Variants in STK32B observed in about 807,000 individuals in gnomAD.
STK32B encodes the protein serine/threonine-protein kinase 32B.
A neutral mutation model predicts 52.6 loss-of-function variants in STK32B; 43 were observed. The observed-to-expected ratio is 0.82, with a 90% CI of 0.64 to 1.05. STK32B has a LOEUF of 1.05. Ranked by LOEUF, STK32B falls within the 50% of genes least tolerant of loss-of-function variation. The probability of loss-of-function intolerance (pLI) is 0.00; values close to 1 mark genes in which losing one functional copy is unlikely to be tolerated. For synonymous variants in STK32B, 238 were observed against 204.3 expected, an observed-to-expected ratio of 1.17 and a Z score of -1.41; for missense variants, 621 against 534.6, an observed-to-expected ratio of 1.16 and a Z score of -1.59.
chr4:5,456,932 G>A lies in STK32B; in HGVS notation c.783+9G>A, dbSNP rs766107881. 4.0e-6 allele frequency: 6 copies of A among 1,515,828 alleles called. No homozygotes were observed. Among genetic ancestry groups the A allele is most frequent in the Middle Eastern group, 1.9e-4 (1 of 5,386 alleles). 93.9% of individuals were successfully genotyped at this position (1,515,828 alleles called of 1,614,324 possible). A position where few individuals can be genotyped will look rare whatever the true frequency, so the allele number is the denominator to read the frequency against. On this transcript the variant is annotated intron_variant, in intron 8 of 11. Transcript: ENST00000282908. ...TGGCCCTGCTGAGGAAGGTAAGGGG[G>A]CAGCTTCCAGCCTGCCCCGCCAGGG...
chr4:5,350,531 G>A (rs1162571765), intron 4 of STK32B, among the ~76,000 whole-genome samples: 2 of 151,962 alleles, frequency 1.3e-5, no homozygotes, highest in Non-Finnish European at 2.9e-5. Context: ...AATGTTACCA[G>A]TAGAGAATAC....
chr4:5,415,497 C>T (rs1229187298), intron 5 of STK32B, among the ~76,000 whole-genome samples: 2 of 152,158 alleles, frequency 1.3e-5, no homozygotes, highest in Admixed American at 6.5e-5. Flanking sequence ...ATACTCATCG[C>T]AGCCACAGGG....
upstream of STK32B, among the ~76,000 whole-genome samples, chr4:5,050,081 G>A (rs766878103): frequency 7.2e-5 from 11 of 152,130 alleles, no homozygotes; most frequent in Non-Finnish European, 1.6e-4. Context: ...TCCACATTCC[G>A]CCCTATGCTT....
chr4:5,164,257 C>T (rs559590656), intron 2 of STK32B, among the ~76,000 whole-genome samples: 92 of 152,208 alleles, frequency 6.0e-4, no homozygotes, highest in Non-Finnish European at 9.0e-4. Flanking sequence ...TGCCATCACC[C>T]AGCTTCTGGT....
At chr4:5,372,501 T>C (rs1206383324) in intron 4 of STK32B, among the ~76,000 whole-genome samples, 1 of 152,178 alleles carries the variant, frequency 6.6e-6, no homozygotes, top group Non-Finnish European at 1.5e-5. Context: ...GCCATTACTA[T>C]TCAATATTAC....
intron 3 of STK32B, among the ~76,000 whole-genome samples, chr4:5,206,154 A>G (rs1358985920): frequency 6.6e-6 from 1 of 152,158 alleles, no homozygotes; most frequent in African/African-American, 2.4e-5. Context: ...GTCATAGTCA[A>G]ATATCTTTCT....
rs765945658 is a variant in STK32B, at chr4:5,331,350, G to A, written c.391G>A (p.Ala131Thr). Residue 131 changes from alanine (A) to threonine (T), a missense_variant, in exon 4 of 12, where the codon GCA becomes ACA. Ala to Thr is a moderately conservative substitution (Grantham distance 58). Transcript: ENST00000282908. ...GTVKLYICEL[A>T]LALEYLQRYH... ...TGTGAAACTCTACATCTGTGAGCTG[G>A]CACTGGCCCTGGAGTATCTTCAGAG... The A allele has an allele frequency of 1.2e-5, 19 of 1,613,600 alleles. No individual in the cohort carries two copies. The South Asian group carries it at 1.5e-4, about 13-fold the overall frequency.
intron 1 of STK32B, among the ~76,000 whole-genome samples, chr4:5,136,947 C>T (rs866041608): frequency 1.3e-5 from 2 of 152,172 alleles, no homozygotes; most frequent in Non-Finnish European, 1.5e-5. Context: ...TTGCCCCATA[C>T]ATTGTTAGTT....
intron 4 of STK32B, among the ~76,000 whole-genome samples, chr4:5,372,258 G>A (rs1210311167): frequency 6.6e-6 from 1 of 152,246 alleles, no homozygotes; most frequent in African/African-American, 2.4e-5. Context: ...AGATTCTGAT[G>A]AATGTCTGAC....
chr4:5,114,993 A>G (rs1714638323), intron 1 of STK32B, among the ~76,000 whole-genome samples: 1 of 152,208 alleles, frequency 6.6e-6, no homozygotes, highest in Non-Finnish European at 1.5e-5. Flanking sequence ...TATGGGCTGC[A>G]AGACACCTGC....
chr4:5,043,076 G>A, the STK32B span, among the ~76,000 whole-genome samples: 8 of 137,824 alleles, frequency 5.8e-5, no homozygotes, highest in Non-Finnish European at 9.1e-5. Context: ...ACTGCAGTCC[G>A]CAGTCCGGCC....
At chr4:5,266,201 A>G (rs578009253) in intron 3 of STK32B, among the ~76,000 whole-genome samples, 26 of 152,360 alleles carry the variant, frequency 1.7e-4, no homozygotes, top group Non-Finnish European at 2.6e-4. Flanking sequence ...CAGCATCACC[A>G]TCATTCGGAC....
At chr4:5,385,139 G>A (rs896270650) in intron 4 of STK32B, among the ~76,000 whole-genome samples, 5 of 152,152 alleles carry the variant, frequency 3.3e-5, no homozygotes, top group Non-Finnish European at 7.4e-5. Flanking sequence ...GTAGGAAGGA[G>A]CAAGGGTGAG....
At chr4:5,310,663 A>G (rs573470918) in intron 3 of STK32B, among the ~76,000 whole-genome samples, 1 of 152,228 alleles carries the variant, frequency 6.6e-6, no homozygotes. Flanking sequence ...ATGAACTATC[A>G]TACTACCCAA....
chr4:5,467,518 C>T lies in STK32B; in HGVS notation c.1042-488C>T, dbSNP rs1405565777. Among the ~76,000 whole-genome samples, 1 of 152,156 alleles carries T rather than the reference C, an allele frequency of 6.6e-6. No homozygotes were observed. Among genetic ancestry groups the T allele is most frequent in the East Asian group, 1.9e-4 (1 of 5,180 alleles). On this transcript the variant is annotated intron_variant, in intron 10 of 11. Coordinates refer to ENST00000282908, the MANE Select transcript of STK32B (RefSeq NM_018401.3). This position sits in a 1 kb window ranked among gnomAD's most constrained non-coding sequence, Gnocchi z 5.8. ...TTAGGGCCTACCTAATTCACTGTGACTTCATCTTAACTGGATTACATCTGT... is the reference window on the plus strand; with the variant it reads ...TTAGGGCCTACCTAATTCACTGTGATTTCATCTTAACTGGATTACATCTGT...
intron 3 of STK32B, among the ~76,000 whole-genome samples, chr4:5,316,236 ATT>A (rs1730698743): frequency 1.4e-5 from 1 of 70,894 alleles, no homozygotes; most frequent in Non-Finnish European, 2.2e-5. Context: ...TATATACAAT[ATT>A]ATATATTGTA....
In STK32B at chr4:5,331,321, G is replaced by C; in HGVS notation, c.362G>C (p.Gly121Ala). The C allele has an allele frequency of 6.2e-7, 1 of 1,613,924 alleles. No individual in the cohort carries two copies. Among genetic ancestry groups the C allele is most frequent in the Non-Finnish European group, 8.5e-7 (1 of 1,179,900 alleles). The change falls in exon 4 of 12, where the codon GGG becomes GCG. Residue 121 changes from glycine (G) to alanine (A), a missense_variant. Coordinates refer to ENST00000282908, the MANE Select transcript of STK32B (RefSeq NM_018401.3). ...HLQQNVHFTE[G>A]TVKLYICELA... ...CAGCAGAATGTGCATTTCACAGAGG[G>C]GACTGTGAAACTCTACATCTGTGAG...
At chr4:5,305,482 A>T (rs567543651) in intron 3 of STK32B, among the ~76,000 whole-genome samples, 1 of 151,930 alleles carries the variant, frequency 6.6e-6, no homozygotes, top group African/African-American at 2.4e-5. Flanking sequence ...TTTCTAGTTT[A>T]TGTGTGTAAA....
chr4:5,499,207 G>A lies in STK32B; in HGVS notation c.*124G>A. On this transcript the variant is annotated 3_prime_UTR_variant, in exon 12 of 12. Coordinates refer to ENST00000282908, the MANE Select transcript of STK32B (RefSeq NM_018401.3). ...AACATCAGATGCAGAAAAAGCCCTG[G>A]ACTTGGAGCTGGGAAGCCTGGGTTC... The A allele has an allele frequency of 7.4e-7, 1 of 1,342,920 alleles. No homozygotes were observed. The highest frequency in any genetic ancestry group is 9.8e-7 in the Non-Finnish European group (1 of 1,019,190). The allele number at this position is 1,342,920 out of a possible 1,614,324, so 83.2% of individuals were successfully genotyped here. A position where few individuals can be genotyped will look rare whatever the true frequency, so the allele number is the denominator to read the frequency against.
Sources: gnomAD v4.1 joint callset for allele counts (sites outside exome capture counted in the v4.1 genomes callset) on GRCh38, gnomAD v4.1.1 for gene constraint, Gnocchi (gnomAD v3.1) non-coding constraint, MANE v1.5 for transcripts, NCBI Gene and HGNC (gene_info 2026-07-23, HGNC 2026-07-21) for gene names.